LUZP2: variants seen among roughly 807,000 people sequenced by gnomAD.
LUZP2 encodes leucine zipper protein 2.
LUZP2 carries 52 observed loss-of-function variants against 51.6 expected under a neutral mutation model. The observed-to-expected ratio is 1.01, with a 90% CI of 0.81 to 1.27. The LOEUF (loss-of-function observed/expected upper bound fraction) is 1.27. Among genes scored for constraint, LUZP2 ranks in the 50% most tolerant of loss-of-function variants. The pLI, the probability that LUZP2 is intolerant of heterozygous loss-of-function variation, is 0.00. For synonymous variants in LUZP2, 154 were observed against 137.3 expected, an observed-to-expected ratio of 1.12 and a Z score of -0.85; for missense variants, 436 against 395.4, an observed-to-expected ratio of 1.10 and a Z score of -0.87.
intron 9 of LUZP2, among the ~76,000 whole-genome samples, chr11:25,022,441 A>G (rs982453814): frequency 3.9e-5 from 6 of 152,070 alleles, no homozygotes; most frequent in African/African-American, 1.4e-4. Context: ...AAGGGTATGT[A>G]TAAGGCATTA....
intron 9 of LUZP2, among the ~76,000 whole-genome samples, chr11:24,998,542 G>A (rs112323117): frequency 0.035 from 5,360 of 152,194 alleles, 286 homozygotes; most frequent in African/African-American, 0.12. Flanking sequence ...GGTTTTTCTC[G>A]TCTTGTGGAG....
At chr11:24,530,125 C>A (rs1385306694) in intron 1 of LUZP2, among the ~76,000 whole-genome samples, 1 of 150,632 alleles carries the variant, frequency 6.6e-6, no homozygotes, top group Non-Finnish European at 1.5e-5. Flanking sequence ...CATACTAGTA[C>A]CTTTATTTAA....
chr11:25,044,209 G>T (rs1212472288), intron 9 of LUZP2, among the ~76,000 whole-genome samples: 5 of 135,740 alleles, frequency 3.7e-5, no homozygotes, highest in African/African-American at 1.3e-4. Context: ...ATATGTATGT[G>T]TATATATATA....
intron 8 of LUZP2, among the ~76,000 whole-genome samples, chr11:24,981,885 A>G (rs1856041475): frequency 6.6e-6 from 1 of 151,870 alleles, no homozygotes; most frequent in Non-Finnish European, 1.5e-5. Flanking sequence ...AATATCCAGC[A>G]TATACAAGGA....
chr11:25,081,070 G>A lies in LUZP2; in HGVS notation c.*2412G>A, dbSNP rs1248551754. On this transcript the variant is annotated 3_prime_UTR_variant, in exon 12 of 12. Transcript: ENST00000336930. ...TTTTTTGAGATGAAATCTCGCTCTT[G>A]TTGCCCAGGCTGGAGTGCAATGGAG... 2.1e-5 allele frequency: 2 copies of A among 93,062 alleles called. No homozygotes were observed. Among genetic ancestry groups the A allele is most frequent in the Non-Finnish European group, 3.9e-5 (2 of 51,852 alleles). 5.8% of individuals were successfully genotyped at this position (93,062 alleles called of 1,614,324 possible). A position where few individuals can be genotyped will look rare whatever the true frequency, so the allele number is the denominator to read the frequency against.
intron 5 of LUZP2, among the ~76,000 whole-genome samples, chr11:24,770,470 C>G (rs1391650573): frequency 6.6e-6 from 1 of 152,086 alleles, no homozygotes; most frequent in East Asian, 1.9e-4. Flanking sequence ...TTATCTTTCT[C>G]ATCTGTTTGT....
intron 10 of LUZP2, among the ~76,000 whole-genome samples, chr11:25,062,610 AAAAG>A (rs1565298476): frequency 6.7e-6 from 1 of 149,202 alleles, no homozygotes; most frequent in Non-Finnish European, 1.5e-5. Flanking sequence ...AAAAAAAAAA[AAAAG>A]AAAGGAAAGG....
intron 1 of LUZP2, among the ~76,000 whole-genome samples, chr11:24,672,487 A>G (rs1292535061): frequency 6.6e-6 from 1 of 152,172 alleles, no homozygotes; most frequent in East Asian, 1.9e-4. Context: ...TAAATTCAAC[A>G]ACTCAGAAAA....
At position 25,079,990 on chromosome 11, in the gene LUZP2, T is replaced by C. The variant is rs1859420926; in HGVS notation, c.*1332T>C. ...TGGCATACCTCTGATCAAAATGGCA[T>C]ATTTAAAGAAATTTAAAGATTTGGA... On this transcript the variant is annotated 3_prime_UTR_variant, in exon 12 of 12. Transcript: ENST00000336930. 6.6e-6 allele frequency: 1 copy of C among 152,200 alleles called. No homozygotes were observed. The highest frequency in any genetic ancestry group is 2.1e-4 in the South Asian group (1 of 4,836). The allele number at this position is 152,200 out of a possible 1,614,324, so 9.4% of individuals were successfully genotyped here. A position where few individuals can be genotyped will look rare whatever the true frequency, so the allele number is the denominator to read the frequency against.
chr11:24,521,448 G>C (rs113485463), intron 1 of LUZP2, among the ~76,000 whole-genome samples: 297 of 151,024 alleles, frequency 2.0e-3, no homozygotes, highest in Non-Finnish European at 3.5e-3. Context: ...GGAATTAAAA[G>C]AAGCAGGACT....
intron 1 of LUZP2, among the ~76,000 whole-genome samples, chr11:24,671,861 A>G (rs775225410): frequency 1.1e-4 from 16 of 152,172 alleles, no homozygotes; most frequent in Non-Finnish European, 1.8e-4. Flanking sequence ...AGTACGGGAT[A>G]AATATTTTAA....
intron 9 of LUZP2, among the ~76,000 whole-genome samples, chr11:25,033,796 T>G (rs901176938): frequency 6.6e-6 from 1 of 152,130 alleles, no homozygotes; most frequent in Non-Finnish European, 1.5e-5. Context: ...ATGGTTTTCA[T>G]GTACACATTT....
intron 7 of LUZP2, among the ~76,000 whole-genome samples, chr11:24,920,282 G>A (rs908536735): frequency 6.6e-6 from 1 of 151,876 alleles, no homozygotes; most frequent in Non-Finnish European, 1.5e-5. Flanking sequence ...AAATAAAATA[G>A]TGGCTTAGTT....
chr11:24,735,623 T>G (rs761623282), intron 3 of LUZP2, among the ~76,000 whole-genome samples: 21 of 151,920 alleles, frequency 1.4e-4, no homozygotes, highest in Non-Finnish European at 2.9e-4. Flanking sequence ...AATGCCTTTT[T>G]GTAGAGTGAT....
At chr11:24,621,721 G>T (rs954724439) in intron 1 of LUZP2, among the ~76,000 whole-genome samples, 4 of 152,074 alleles carry the variant, frequency 2.6e-5, no homozygotes, top group Non-Finnish European at 5.9e-5. Flanking sequence ...TCTCATAGAA[G>T]AATTACAAAT....
chr11:24,686,397 G>A (rs1189728425), intron 1 of LUZP2, among the ~76,000 whole-genome samples: 1 of 152,044 alleles, frequency 6.6e-6, no homozygotes, highest in African/African-American at 2.4e-5. Flanking sequence ...AGCTATCTTT[G>A]GGATACTTCC....
intron 9 of LUZP2, among the ~76,000 whole-genome samples, chr11:25,018,198 G>GTATTTTGGAGGCA (rs757564334): frequency 1.1e-4 from 16 of 152,208 alleles, no homozygotes; most frequent in Non-Finnish European, 1.9e-4. Context: ...AAATCTAGGA[G>GTATTTTGGAGGCA]TCTTTTGGAG....
At chr11:24,798,190 C>A (rs1378409857) in intron 5 of LUZP2, among the ~76,000 whole-genome samples, 2 of 133,138 alleles carry the variant, frequency 1.5e-5, no homozygotes, top group African/African-American at 5.4e-5. Flanking sequence ...AAGCTAGGGG[C>A]ATCTTATATT....
At chr11:24,568,355 G>A (rs35814960) in intron 1 of LUZP2, among the ~76,000 whole-genome samples, 619 of 127,016 alleles carry the variant, frequency 4.9e-3, no homozygotes, top group Non-Finnish European at 5.5e-3. Context: ...ATCTGTCTCA[G>A]AAAAAAAAAA....
Sources: allele counts gnomAD v4.1 joint callset (sites outside exome capture counted in the v4.1 genomes callset), GRCh38; gene constraint gnomAD v4.1.1; transcripts MANE v1.5; gene names NCBI Gene and HGNC (gene_info 2026-07-23, HGNC 2026-07-21).